The following USP12 variants were observed in gnomAD, a reference collection of about 807,000 sequenced individuals.
The protein encoded by USP12 is ubiquitin specific peptidase 12.
A neutral mutation model predicts 45.5 loss-of-function variants in USP12; 19 were observed. That is an observed-to-expected ratio of 0.42 (90% CI 0.29 to 0.61). USP12 has a LOEUF of 0.61. Ranked by LOEUF, USP12 falls within the 20% of genes least tolerant of loss-of-function variation. The pLI is 0.22. For synonymous variants in USP12, 149 were observed against 148.8 expected (o/e 1.00, Z -0.01); for missense variants, 242 against 447.7 (o/e 0.54, Z 4.15).
intron 3 of USP12, among the ~76,000 whole-genome samples, chr13:27,103,607 A>AAAATAATAATAATAAT (rs372985958): frequency 5.4e-4 from 69 of 128,504 alleles, no homozygotes; most frequent in African/African-American, 1.9e-3. Flanking sequence ...TCAAAAAAAA[A>AAAATAATAATAATAAT]AATAATAATA....
chr13:27,108,283 AC>A (rs1297635867), intron 2 of USP12, among the ~76,000 whole-genome samples: 25 of 152,148 alleles, frequency 1.6e-4, no homozygotes, highest in Non-Finnish European at 3.5e-4. Flanking sequence ...TATCGCAAGG[AC>A]AAAAAACCAA....
intron 1 of USP12, among the ~76,000 whole-genome samples, chr13:27,149,681 A>G (rs139379962): frequency 1.3e-3 from 196 of 152,322 alleles, no homozygotes; most frequent in Non-Finnish European, 2.2e-3. Flanking sequence ...ACAGCTCGAT[A>G]GGAGGAATAA....
At position 27,077,989 on chromosome 13, in the gene USP12, T is replaced by A. The variant is rs1482601333; in HGVS notation, c.735-2601A>T. On this transcript the variant is annotated intron_variant, in intron 6 of 8. Coordinates refer to ENST00000282344, the MANE Select transcript of USP12 (RefSeq NM_182488.4). ...GGAAAAACAGGAGGACAGAGAACAT[T>A]TTTTTCCTTTTAAGTTTGAATAAAC... 3.3e-5 allele frequency: 5 copies of A among 151,948 alleles called. No homozygotes were observed. In the East Asian group the frequency reaches 9.6e-4, roughly 29 times the overall value. The allele number at this position is 151,948 out of a possible 1,614,324, so 9.4% of individuals were successfully genotyped here.
At chr13:27,116,311 C>CAAAAAA (rs10549775) in intron 2 of USP12, among the ~76,000 whole-genome samples, 2 of 90,944 alleles carry the variant, frequency 2.2e-5, no homozygotes, top group Non-Finnish European at 4.4e-5. Context: ...GACGCTGTCT[C>CAAAAAA]AAAAAAAAAA....
chr13:27,170,658 T>G (rs1301221561), intron 1 of USP12, among the ~76,000 whole-genome samples: 1 of 152,246 alleles, frequency 6.6e-6, no homozygotes, highest in Middle Eastern at 3.2e-3. Context: ...CCAGCGGGCA[T>G]TAGCACTTTT....
Position 27,067,280 on chromosome 13 carries a change from C to A in USP12, c.*2003G>T, listed in dbSNP as rs547557291. 3.3e-5 allele frequency: 5 copies of A among 151,992 alleles called. No individual in the cohort carries two copies. Among genetic ancestry groups the A allele is most frequent in the Non-Finnish European group, 5.9e-5 (4 of 68,008 alleles). The allele number at this position is 151,992 out of a possible 1,614,324, so 9.4% of individuals were successfully genotyped here. On this transcript the variant is annotated 3_prime_UTR_variant, in exon 9 of 9. Coordinates refer to ENST00000282344, the MANE Select transcript of USP12 (RefSeq NM_182488.4). Reference sequence around the variant, plus strand: ...TTCACTTTCCTCTTTTTCTCTGTACCGAAAGCTGCAGAAATACAGCTTTAA... The same window carrying A: ...TTCACTTTCCTCTTTTTCTCTGTACAGAAAGCTGCAGAAATACAGCTTTAA...
intron 2 of USP12, among the ~76,000 whole-genome samples, chr13:27,109,561 CA>C (rs1875320140): frequency 6.6e-6 from 1 of 152,092 alleles, no homozygotes; most frequent in East Asian, 1.9e-4. Context: ...AGAGACACAA[CA>C]ATCAAATTGC....
chr13:27,171,755 C>G lies in USP12; in HGVS notation c.-116G>C, dbSNP rs895625877. 1.8e-6 allele frequency: 1 copy of G among 559,362 alleles called. No individual in the cohort carries two copies. The highest frequency in any genetic ancestry group is 2.3e-6 in the Non-Finnish European group (1 of 431,142). 34.6% of individuals were successfully genotyped at this position (559,362 alleles called of 1,614,324 possible). The stretch of plus-strand genomic sequence containing the variant: ...GGCGGACCCCGAGCCGCCGCGGACC[C>G]AACCACCGAGCCCGCTGGGCCGCCG... On this transcript the variant is annotated 5_prime_UTR_variant, in exon 1 of 9. Transcript: ENST00000282344.
At chr13:27,126,804 A>C (rs1439365860) in intron 1 of USP12, among the ~76,000 whole-genome samples, 2 of 152,196 alleles carry the variant, frequency 1.3e-5, no homozygotes, top group African/African-American at 2.4e-5. Context: ...TTTGAGCTCC[A>C]AATTACTAAT....
chr13:27,085,432 T>C (rs1361578595), intron 6 of USP12, among the ~76,000 whole-genome samples: 2 of 152,124 alleles, frequency 1.3e-5, no homozygotes, highest in Non-Finnish European at 2.9e-5. Flanking sequence ...CTGCCCACCT[T>C]GGCCTCCCAA....
In USP12 at chr13:27,129,891, G is replaced by A. The variant is rs564323387; in HGVS notation, c.49-13295C>T. ...AAGCACGGTCACATCCAAAACATAC[G>A]AGTGGAGTGACCAACATGAAAAATG... On this transcript the variant is annotated intron_variant, in intron 1 of 8. Transcript: ENST00000282344. This position sits in a 1 kb window ranked among gnomAD's most constrained non-coding sequence, Gnocchi z 4.0. 1.5e-3 allele frequency among the ~76,000 whole-genome samples: 228 copies of A among 152,260 alleles called. No homozygotes were observed. Among genetic ancestry groups the A allele is most frequent in the African/African-American group, 5.2e-3 (217 of 41,534 alleles).
chr13:27,171,245 G>C (rs1593222081), intron 1 of USP12, among the ~76,000 whole-genome samples: 1 of 149,848 alleles, frequency 6.7e-6, no homozygotes, highest in South Asian at 2.1e-4. Context: ...GGCGCGCCTC[G>C]GCCCTCGTCC....
chr13:27,107,567 T>C (rs939428984), intron 2 of USP12, among the ~76,000 whole-genome samples: 2 of 152,218 alleles, frequency 1.3e-5, no homozygotes, highest in Non-Finnish European at 2.9e-5. Flanking sequence ...CATGCATGCA[T>C]GTTTGTGTGT....
chr13:27,150,526 C>G (rs1462446153), intron 1 of USP12, among the ~76,000 whole-genome samples: 1 of 152,192 alleles, frequency 6.6e-6, no homozygotes, highest in East Asian at 1.9e-4. Flanking sequence ...ACAAACTGAT[C>G]TACAGGCTCC....
intron 6 of USP12, among the ~76,000 whole-genome samples, chr13:27,088,742 T>C (rs1402798120): frequency 6.6e-6 from 1 of 152,220 alleles, no homozygotes; most frequent in Non-Finnish European, 1.5e-5. Flanking sequence ...ACTGGGGCAC[T>C]GACTTCTGGG....
At chr13:27,169,010 A>ATCAT (rs1333114834) in intron 1 of USP12, 1 of 152,184 alleles carries the variant, frequency 6.6e-6, no homozygotes, top group Non-Finnish European at 1.5e-5. Context: ...ACACAGCCAC[A>ATCAT]TCATCCCTGC....
intron 2 of USP12, among the ~76,000 whole-genome samples, chr13:27,107,347 C>T (rs1049350032): frequency 2.6e-5 from 4 of 151,816 alleles, no homozygotes; most frequent in Admixed American, 6.6e-5. Flanking sequence ...ACAAAAAAAA[C>T]AAATTTATTG....
intron 3 of USP12, among the ~76,000 whole-genome samples, chr13:27,102,878 T>C (rs942446046): frequency 1.3e-5 from 2 of 152,236 alleles, no homozygotes; most frequent in African/African-American, 4.8e-5. Context: ...TCTATCATGA[T>C]TAGTCTACTC....
intron 4 of USP12, among the ~76,000 whole-genome samples, chr13:27,090,636 G>A (rs1299875363): frequency 2.0e-5 from 3 of 151,988 alleles, no homozygotes; most frequent in Non-Finnish European, 4.4e-5. Context: ...AGTTTTGTTT[G>A]ATTTATGGGT....
Sources: gnomAD v4.1 joint callset for allele counts (sites outside exome capture counted in the v4.1 genomes callset) on GRCh38, gnomAD v4.1.1 for gene constraint, Gnocchi (gnomAD v3.1) non-coding constraint, MANE v1.5 for transcripts, NCBI Gene and HGNC (gene_info 2026-07-23, HGNC 2026-07-21) for gene names.